PUM2: variants seen among roughly 807,000 people sequenced by gnomAD.
PUM2 encodes the protein pumilio RNA binding family member 2, also known as pumilio homolog 2.
PUM2 carries 57 observed loss-of-function variants against 124.5 expected under a neutral mutation model. The observed-to-expected ratio is 0.46, with a 90% CI of 0.37 to 0.57. The LOEUF is 0.57. PUM2 is among the 20% of genes least tolerant of loss of function. The pLI is 0.00. For missense variants in PUM2, 1,065 were observed against 1,290.6 expected (o/e 0.83, Z 2.68); for synonymous variants, 460 against 446.1 (o/e 1.03, Z -0.39).
At position 20,266,170 on chromosome 2, in the gene PUM2, G is replaced by A. The variant is rs555422257; in HGVS notation, c.1958-2710C>T. ...GAAATTTACAAATTTGGCCAGGCGC[G>A]GTGGCTCACGCCTATAATCCCAGCA... is the stretch of plus-strand genomic sequence containing the variant. On this transcript the variant is annotated intron_variant, in intron 13 of 20. Transcript: ENST00000361078. Among the ~76,000 whole-genome samples, 14 of 152,216 alleles carry A rather than the reference G, an allele frequency of 9.2e-5. No individual in the cohort carries two copies. The South Asian group carries it at 2.3e-3, about 25-fold the overall frequency.
At position 20,308,299 on chromosome 2, in the gene PUM2, A is replaced by C. The variant is rs1319109461; in HGVS notation, c.789+15T>G. On this transcript the variant is annotated intron_variant, in intron 6 of 20. Transcript: ENST00000361078. ...CAGTTAAGAGGACCTTCTTAAAGAA[A>C]GAACATGCTTTTACCTGCTGCTGGG... is the stretch of plus-strand genomic sequence containing the variant. 3.7e-6 allele frequency: 6 copies of C among 1,610,110 alleles called. No homozygotes were observed. The South Asian group carries it at 5.5e-5, about 15-fold the overall frequency.
At chr2:20,264,711 A>G (rs919193439) in intron 13 of PUM2, among the ~76,000 whole-genome samples, 1 of 152,128 alleles carries the variant, frequency 6.6e-6, no homozygotes, top group African/African-American at 2.4e-5. Flanking sequence ...TATATGCAAA[A>G]TCTATGCAGA....
At chr2:20,347,946 A>T (rs1688558876) in intron 1 of PUM2, among the ~76,000 whole-genome samples, 2 of 152,336 alleles carry the variant, frequency 1.3e-5, no homozygotes, top group South Asian at 4.1e-4. Context: ...ATATTTCATC[A>T]GCGTTCCCTC....
rs576565296 is a variant in PUM2, at chr2:20,263,265, C to T, written c.2153G>A (p.Arg718His). The T allele has an allele frequency of 9.3e-6, 15 of 1,611,024 alleles. No individual in the cohort carries two copies. The East Asian group carries it at 1.3e-4, about 14-fold the overall frequency. The change falls in exon 14 of 21, where the codon CGC (arginine) becomes CAC (histidine). Residue 718 changes from arginine to histidine, a missense_variant. By Grantham distance (29) the Arg-to-His change is conservative (BLOSUM62 0). Coordinates refer to ENST00000361078, the MANE Select transcript of PUM2 (RefSeq NM_015317.5). ...SRLLEDFRNNRFPNLQLRDLI... is the reference protein window; with the variant it reads ...SRLLEDFRNNHFPNLQLRDLI... ...GTCTCTAAGCTGAAGGTTTGGGAAGCGGTTGTTTCTGAAATCTTCCAATAA... is the reference window on the plus strand; with the variant it reads ...GTCTCTAAGCTGAAGGTTTGGGAAGTGGTTGTTTCTGAAATCTTCCAATAA...
chr2:20,344,222 C>T (rs1412069451), intron 1 of PUM2, among the ~76,000 whole-genome samples: 1 of 152,098 alleles, frequency 6.6e-6, no homozygotes, highest in Non-Finnish European at 1.5e-5. Flanking sequence ...CGCGAGCCAC[C>T]ATGCCCAGCT....
intron 13 of PUM2, among the ~76,000 whole-genome samples, chr2:20,272,023 C>G (rs774899907): frequency 6.6e-6 from 1 of 152,032 alleles, no homozygotes; most frequent in Non-Finnish European, 1.5e-5. Context: ...GCTGGGCGTG[C>G]TGGCAGGCGC....
intron 1 of PUM2, among the ~76,000 whole-genome samples, chr2:20,336,518 T>C (rs966860546): frequency 1.5e-5 from 2 of 135,676 alleles, no homozygotes; most frequent in African/African-American, 6.2e-5. Flanking sequence ...AAAGATATAA[T>C]TTTTTTTTTT....
intron 1 of PUM2, among the ~76,000 whole-genome samples, chr2:20,348,348 A>G (rs1688650511): frequency 8.5e-5 from 13 of 152,190 alleles, no homozygotes; most frequent in Admixed American, 7.9e-4. Context: ...GATATTTTAA[A>G]TATCTGTAAA....
At chr2:20,296,493 T>TC (rs1675607641) in intron 8 of PUM2, among the ~76,000 whole-genome samples, 3 of 122,842 alleles carry the variant, frequency 2.4e-5, no homozygotes, top group Middle Eastern at 4.3e-3. Flanking sequence ...AGACTCTGTC[T>TC]CAAAAAAAAA....
intron 7 of PUM2, among the ~76,000 whole-genome samples, chr2:20,299,350 A>G (rs1676403799): frequency 6.6e-6 from 1 of 151,956 alleles, no homozygotes; most frequent in African/African-American, 2.4e-5. Flanking sequence ...CTGTGTTGTC[A>G]TGGCATGAGA....
At chr2:20,268,219 A>G (rs536978128) in intron 13 of PUM2, among the ~76,000 whole-genome samples, 16 of 152,350 alleles carry the variant, frequency 1.1e-4, no homozygotes, top group Middle Eastern at 3.4e-3. Flanking sequence ...CACCTGAAGG[A>G]TATTCTGATA....
intron 13 of PUM2, among the ~76,000 whole-genome samples, chr2:20,266,843 CTCTT>C (rs1667777579): frequency 6.6e-6 from 1 of 151,786 alleles, no homozygotes; most frequent in Admixed American, 6.5e-5. Flanking sequence ...ATCTCCCTTT[CTCTT>C]TCTTATAAAG....
At chr2:20,255,016 A>C in intron 18 of PUM2, 32 bp from the exon 19 acceptor site, 2 of 1,589,264 alleles carry the variant, frequency 1.3e-6, no homozygotes, top group Non-Finnish European at 1.7e-6. Context: ...TACTTTCCCT[A>C]AGTCATTCCT....
At chr2:20,303,340 G>C (rs947478014) in intron 7 of PUM2, among the ~76,000 whole-genome samples, 1 of 151,868 alleles carries the variant, frequency 6.6e-6, no homozygotes, top group Non-Finnish European at 1.5e-5. Flanking sequence ...GGGAGGTCGA[G>C]GCTGCAATTA....
intron 7 of PUM2, among the ~76,000 whole-genome samples, chr2:20,305,595 A>C (rs1485004467): frequency 3.3e-5 from 5 of 152,090 alleles, no homozygotes; most frequent in Admixed American, 2.6e-4. Flanking sequence ...AGATGCAAAA[A>C]TCCTAAATGA....
intron 1 of PUM2, among the ~76,000 whole-genome samples, chr2:20,344,035 G>A (rs999371907): frequency 6.6e-6 from 1 of 151,664 alleles, no homozygotes; most frequent in Admixed American, 6.6e-5. Context: ...ACAGATACAA[G>A]GTTTCATAGT....
At chr2:20,283,586 A>G in intron 10 of PUM2, 100 bp from the exon 11 acceptor site, 1 of 1,168,190 alleles carries the variant, frequency 8.6e-7, no homozygotes, top group Non-Finnish European at 1.2e-6. Context: ...CAACACAGCT[A>G]TTTGTACCAT....
intron 14 of PUM2, among the ~76,000 whole-genome samples, chr2:20,261,856 AGTTAAAAAAAATTAAAAAGCTTAAAT>A (rs1447407522): frequency 2.0e-5 from 3 of 151,612 alleles, no homozygotes; most frequent in Non-Finnish European, 4.4e-5. Flanking sequence ...CAAGTCAGTA[AGTTAAAAAAAATTAAAAAGCTTAAAT>A]GTTACAGTAA....
At chr2:20,349,024 C>T (rs1218662546) in intron 1 of PUM2, among the ~76,000 whole-genome samples, 2 of 152,146 alleles carry the variant, frequency 1.3e-5, no homozygotes, top group African/African-American at 4.8e-5. Context: ...ATTTGTAATG[C>T]CTGAGAATTT....
Sources: gnomAD v4.1 joint callset for allele counts (sites outside exome capture counted in the v4.1 genomes callset) on GRCh38, gnomAD v4.1.1 for gene constraint, MANE v1.5 for transcripts, NCBI Gene and HGNC (gene_info 2026-07-23, HGNC 2026-07-21) for gene names.